The following DPP10 variants were observed in gnomAD, a reference collection of about 807,000 sequenced individuals.
The protein encoded by DPP10 is inactive dipeptidyl peptidase 10.
In DPP10, 33 loss-of-function variants were observed where a neutral mutation model predicts 120.9. The observed-to-expected ratio is 0.27, with a 90% CI of 0.21 to 0.37. The LOEUF is 0.37. DPP10 is among the 10% of genes least tolerant of loss of function. The pLI is 1.00. For missense variants in DPP10, 816 were observed against 942.8 expected (o/e 0.87, Z 1.76); for synonymous variants, 337 against 326.1 (o/e 1.03, Z -0.36).
At chr2:114,790,562 G>A (rs1355384987) in intron 1 of DPP10, among the ~76,000 whole-genome samples, 1 of 152,094 alleles carries the variant, frequency 6.6e-6, no homozygotes, top group Non-Finnish European at 1.5e-5. Context: ...GGCTGAGTCC[G>A]AAAAGAGAGT....
chr2:114,917,675 T>G (rs753139466), intron 1 of DPP10, among the ~76,000 whole-genome samples: 1 of 152,096 alleles, frequency 6.6e-6, no homozygotes, highest in Non-Finnish European at 1.5e-5. Context: ...CATCAGATCT[T>G]TCACAAAGCT....
chr2:115,546,983 G>C (rs2079539858), intron 5 of DPP10, among the ~76,000 whole-genome samples: 1 of 152,146 alleles, frequency 6.6e-6, no homozygotes, highest in Admixed American at 6.6e-5. Context: ...AGCCTGACAA[G>C]AAATGATATG....
At chr2:114,946,898 C>T (rs530956257) in intron 1 of DPP10, among the ~76,000 whole-genome samples, 2 of 151,908 alleles carry the variant, frequency 1.3e-5, no homozygotes, top group East Asian at 1.9e-4. Context: ...ATTATTTTTC[C>T]AACGAAGACA....
At chr2:115,722,699 A>G (rs142327445) in intron 7 of DPP10, among the ~76,000 whole-genome samples, 2 of 152,160 alleles carry the variant, frequency 1.3e-5, no homozygotes, top group African/African-American at 4.8e-5. Flanking sequence ...CTCATGGACC[A>G]CCCTTATGTA....
intron 3 of DPP10, among the ~76,000 whole-genome samples, chr2:115,451,850 G>A (rs576263935): frequency 8.6e-5 from 13 of 151,870 alleles, no homozygotes; most frequent in African/African-American, 2.9e-4. Context: ...ACAAAGTATC[G>A]TTTGTATAGG....
chr2:114,701,708 C>G (rs1180838766), intron 1 of DPP10, among the ~76,000 whole-genome samples: 2 of 152,016 alleles, frequency 1.3e-5, no homozygotes, highest in African/African-American at 2.4e-5. Context: ...CCAACTACAT[C>G]CAAGGAATTG....
At chr2:114,714,826 A>G (rs921288114) in intron 1 of DPP10, among the ~76,000 whole-genome samples, 1 of 152,150 alleles carries the variant, frequency 6.6e-6, no homozygotes, top group African/African-American at 2.4e-5. Flanking sequence ...GAAGTATCAG[A>G]CTTTTCCACA....
intron 1 of DPP10, among the ~76,000 whole-genome samples, chr2:114,803,670 A>G (rs958812241): frequency 2.6e-5 from 4 of 152,172 alleles, no homozygotes; most frequent in Non-Finnish European, 5.9e-5. Context: ...TGGAATTTTG[A>G]ACTTGAGAAA....
chr2:114,514,696 G>A (rs1684444291), intron 1 of DPP10, among the ~76,000 whole-genome samples: 3 of 151,984 alleles, frequency 2.0e-5, no homozygotes, highest in Admixed American at 2.0e-4. Context: ...AGTGGGAAAG[G>A]CCTTTCCAGG....
At chr2:114,730,745 C>T (rs1456101552) in intron 1 of DPP10, among the ~76,000 whole-genome samples, 1 of 152,048 alleles carries the variant, frequency 6.6e-6, no homozygotes, top group African/African-American at 2.4e-5. Context: ...CGACATGCAC[C>T]ACCAGGCCTG....
chr2:115,140,663 A>G (rs533257638), intron 1 of DPP10, among the ~76,000 whole-genome samples: 1 of 152,312 alleles, frequency 6.6e-6, no homozygotes, highest in African/African-American at 2.4e-5. Context: ...CAGTAGTGAG[A>G]AATCAGTGCC....
intron 1 of DPP10, among the ~76,000 whole-genome samples, chr2:114,994,190 G>A (rs1700933980): frequency 6.6e-6 from 1 of 152,050 alleles, no homozygotes; most frequent in Non-Finnish European, 1.5e-5. Flanking sequence ...TAGCATATAT[G>A]TATAAAATAG....
At chr2:115,372,554 ACACTCTT>A (rs1005316751) in intron 3 of DPP10, among the ~76,000 whole-genome samples, 3 of 152,190 alleles carry the variant, frequency 2.0e-5, no homozygotes, top group Non-Finnish European at 4.4e-5. Context: ...CCAGTATGAA[ACACTCTT>A]AACTGGCTCA....
At chr2:115,158,977 T>C (rs1319419382) in intron 1 of DPP10, among the ~76,000 whole-genome samples, 2 of 151,666 alleles carry the variant, frequency 1.3e-5, no homozygotes, top group East Asian at 1.9e-4. Flanking sequence ...AACTTATCTA[T>C]TGAGTTTTTT....
chr2:115,742,065 CTT>C (rs149293309), intron 9 of DPP10, among the ~76,000 whole-genome samples: 2,793 of 152,166 alleles, frequency 0.018, 44 homozygotes, highest in South Asian at 0.045. Context: ...TAATGATAAA[CTT>C]TATGTTTTCA....
intron 5 of DPP10, among the ~76,000 whole-genome samples, chr2:115,602,186 A>G (rs944529202): frequency 7.9e-5 from 12 of 152,244 alleles, no homozygotes; most frequent in Non-Finnish European, 1.8e-4. Context: ...ACTCCAGGCA[A>G]TGATGACTCT....
chr2:115,237,797 G>T (rs1385418066), intron 1 of DPP10, among the ~76,000 whole-genome samples: 1 of 152,148 alleles, frequency 6.6e-6, no homozygotes, highest in African/African-American at 2.4e-5. Flanking sequence ...CCAGAGCAAG[G>T]CCGTAACTCC....
Position 115,358,108 on chromosome 2 carries a change from C to T in DPP10, c.271+14196C>T, listed in dbSNP as rs576557685. Among the ~76,000 whole-genome samples, 13 of 152,184 alleles carry T rather than the reference C, an allele frequency of 8.5e-5. No individual in the cohort carries two copies. The South Asian group carries it at 2.7e-3, about 32-fold the overall frequency. On this transcript the variant is annotated intron_variant, in intron 3 of 25. Transcript: ENST00000410059. ...CATTGTCTTGGTGATTAACATTGGGCCCCCTGTTGCTTATTCAAATTTCTG... is the reference window on the plus strand; with the variant it reads ...CATTGTCTTGGTGATTAACATTGGGTCCCCTGTTGCTTATTCAAATTTCTG...
Position 114,846,578 on chromosome 2 carries a change from G to GT in DPP10, c.60+403752dup, listed in dbSNP as rs72304820. Among the ~76,000 whole-genome samples, 731 of 146,556 alleles carry GT rather than the reference G, an allele frequency of 5.0e-3. 2 individuals carry two copies. The highest frequency in any genetic ancestry group is 7.4e-3 in the Non-Finnish European group (485 of 65,816). On this transcript the variant is annotated intron_variant, in intron 1 of 25. Transcript: ENST00000410059. ...AATGTAAATTCCATACTCAGATTCT[G>GT]TTTTTTTTTTTTCCTGTCTTAAGAT...
Sources: allele counts gnomAD v4.1 joint callset (sites outside exome capture counted in the v4.1 genomes callset), GRCh38; gene constraint gnomAD v4.1.1; transcripts MANE v1.5; gene names NCBI Gene and HGNC (gene_info 2026-07-23, HGNC 2026-07-21).